The following NEIL1 variants were observed in gnomAD, a reference collection of about 807,000 sequenced individuals.
NEIL1 encodes the protein nei like DNA glycosylase 1.
Under a neutral mutation model 44.2 loss-of-function variants are expected in NEIL1, and 31 were observed. That is an observed-to-expected ratio of 0.70 (90% CI 0.53 to 0.95). The LOEUF (loss-of-function observed/expected upper bound fraction) is 0.95, where lower values mean the gene tolerates loss of function less well. NEIL1 is among the 40% of genes least tolerant of loss of function. The pLI, the probability that NEIL1 is intolerant of heterozygous loss-of-function variation, is 0.00. For missense variants in NEIL1, 549 were observed against 515.5 expected, an observed-to-expected ratio of 1.07 and a Z score of -0.63; for synonymous variants, 254 against 209.7, an observed-to-expected ratio of 1.21 and a Z score of -1.83.
Position 75,356,980 on chromosome 15 carries a change from A to G in NEIL1, c.*1946A>G. ...CCCAGACTCCAGAGCTCCTGTCACT[A>G]GGCCGAGCACAAGCTCTAGAACCAC... On this transcript the variant is annotated 3_prime_UTR_variant, in exon 10 of 10. Coordinates refer to ENST00000355059, the MANE Select transcript of NEIL1 (RefSeq NM_024608.4). This position sits in a 1 kb window ranked among gnomAD's most constrained non-coding sequence, Gnocchi z 5.8. 8.3e-7 allele frequency: 1 copy of G among 1,198,860 alleles called. No individual in the cohort carries two copies. Among genetic ancestry groups the G allele is most frequent in the Non-Finnish European group, 1.2e-6 (1 of 818,732 alleles). The allele number at this position is 1,198,860 out of a possible 1,614,324, so 74.3% of individuals were successfully genotyped here.
At chr15:75,349,384 A>T (rs1595854153) in intron 2 of NEIL1, 45 bp downstream of exon 2, 2 of 1,532,232 alleles carry the variant, frequency 1.3e-6, no homozygotes, top group East Asian at 4.5e-5. Flanking sequence ...CGGGCTCCAC[A>T]CCTGACTCTC....
chr15:75,354,219 T>C, intron 6 of NEIL1, 31 bp from the exon 7 acceptor site: 3 of 1,613,900 alleles, frequency 1.9e-6, no homozygotes, highest in African/African-American at 1.3e-5. Context: ...CAACCCAGGC[T>C]GATTCCTGAA....
At chr15:75,348,058 C>T (rs951302400) in intron 1 of NEIL1, 2 of 1,078,376 alleles carry the variant, frequency 1.9e-6, no homozygotes, top group Middle Eastern at 4.2e-4. Context: ...CCCCAGGGAC[C>T]AGGCGCTGCC....
chr15:75,354,116 G>T, intron 6 of NEIL1, 134 bp from the exon 7 acceptor site: 1 of 1,118,762 alleles, frequency 8.9e-7, no homozygotes, highest in East Asian at 2.4e-5. Context: ...CTCTAACATG[G>T]GGGATGTCCT....
rs746857278 is a variant in NEIL1, at chr15:75,352,625, G to C, written c.642G>C (p.Gln214His). ...HRPSPELTLS[Q>H]KIRTKLQNPD... ...AGAGCCCGGAGCTGACCCTGAGCCA[G>C]AAGATAAGGACCAAGCTGCAGAATC... The change falls in exon 5 of 10, where the codon CAG (glutamine) becomes CAC (histidine). Residue 214 changes from glutamine to histidine, a missense_variant. Coordinates refer to ENST00000355059, the MANE Select transcript of NEIL1 (RefSeq NM_024608.4). The C allele has an allele frequency of 2.5e-6, 4 of 1,613,482 alleles. No homozygotes were observed. Among genetic ancestry groups the C allele is most frequent in the Non-Finnish European group, 3.4e-6 (4 of 1,179,726 alleles).
rs144636257 is a variant in NEIL1 at position 75,356,825 on chromosome 15, C to T, written c.*1791C>T. 9.4e-5 allele frequency: 151 copies of T among 1,614,094 alleles called. No individual in the cohort carries two copies. Among genetic ancestry groups the T allele is most frequent in the African/African-American group, 3.5e-4 (26 of 75,064 alleles). On this transcript the variant is annotated 3_prime_UTR_variant, in exon 10 of 10. Coordinates refer to ENST00000355059, the MANE Select transcript of NEIL1 (RefSeq NM_024608.4). The surrounding 1 kb of genome is among the most constrained non-coding windows in gnomAD (Gnocchi z 5.8). ...GGCTGAGGATGCTGCCTCGCACTGACGCGCCATACTTGCAGTCGTTGAGCA... is the reference window on the plus strand; with the variant it reads ...GGCTGAGGATGCTGCCTCGCACTGATGCGCCATACTTGCAGTCGTTGAGCA...
rs1255718051 is a variant in NEIL1 at position 75,348,690 on chromosome 15, C to T, written c.-22-194C>T. 2.7e-5 allele frequency: 38 copies of T among 1,429,146 alleles called. No individual in the cohort carries two copies. In the East Asian group the frequency reaches 5.8e-4, roughly 22 times the overall value. 88.5% of individuals were successfully genotyped at this position (1,429,146 alleles called of 1,614,324 possible). On this transcript the variant is annotated intron_variant, in intron 1 of 9. Coordinates refer to ENST00000355059, the MANE Select transcript of NEIL1 (RefSeq NM_024608.4). ...TCCTGCTCCCTCTGCAGCCCCAGCT[C>T]CCAGCGCCCTGGGCTTTCCAGGCAC...
At chr15:75,347,651 G>C (rs2071542695) in intron 1 of NEIL1, 178 bp downstream of exon 1, 1 of 256,248 alleles carries the variant, frequency 3.9e-6, no homozygotes, top group Non-Finnish European at 6.3e-6. Flanking sequence ...CGAGCGGAAC[G>C]GAGTGCGGGT....
chr15:75,350,238 A>G (rs2071776172), intron 2 of NEIL1, among the ~76,000 whole-genome samples: 1 of 152,222 alleles, frequency 6.6e-6, no homozygotes, highest in South Asian at 2.1e-4. Context: ...GGAAACGTGT[A>G]TGAGTCTCTG....
intron 9 of NEIL1, 34 bp downstream of exon 9, chr15:75,354,852 C>T (rs1351845653): frequency 8.7e-6 from 14 of 1,613,640 alleles, no homozygotes; most frequent in Non-Finnish European, 1.2e-5. Flanking sequence ...GAAACTGGCT[C>T]TACAGGAGAG....
chr15:75,349,809 G>A (rs975952045), intron 2 of NEIL1: 1 of 163,678 alleles, frequency 6.1e-6, no homozygotes, highest in Non-Finnish European at 1.4e-5. Context: ...GCACGACTCT[G>A]TCTCAAAAAA....
chr15:75,355,700 A>G lies in NEIL1; in HGVS notation c.*666A>G, dbSNP rs1449344265. 1.7e-6 allele frequency: 1 copy of G among 591,206 alleles called. No homozygotes were observed. Among genetic ancestry groups the G allele is most frequent in the African/African-American group, 1.9e-5 (1 of 53,326 alleles). The allele number at this position is 591,206 out of a possible 1,614,324, so 36.6% of individuals were successfully genotyped here. ...ACAGGTACCTTAGGATCTTGCCCCT[A>G]CCCACCAAATACCTGGGAAGCCATC... On this transcript the variant is annotated 3_prime_UTR_variant, in exon 10 of 10. Coordinates refer to ENST00000355059, the MANE Select transcript of NEIL1 (RefSeq NM_024608.4).
At position 75,352,128 on chromosome 15, in the gene NEIL1, A is replaced by G. The variant is rs1341568632; in HGVS notation, c.452A>G (p.Asn151Ser). 1 of 1,614,038 alleles carries G rather than the reference A, an allele frequency of 6.2e-7. No homozygotes were observed. Among genetic ancestry groups the G allele is most frequent in the Non-Finnish European group, 8.5e-7 (1 of 1,179,984 alleles). Residue 151 changes from asparagine to serine, a missense_variant, in exon 3 of 10, where the codon AAC becomes AGC. Coordinates refer to ENST00000355059, the MANE Select transcript of NEIL1 (RefSeq NM_024608.4). The stretch of plus-strand genomic sequence containing the variant: ...TCCTCCAGGGAGAATGTGCTACGAA[A>G]CCTAGCGGATAAGGCCTTTGACCGG... Reference protein sequence around the residue: ...YQQFRENVLRNLADKAFDRPI... With the variant: ...YQQFRENVLRSLADKAFDRPI...
intron 2 of NEIL1, 146 bp from the exon 3 acceptor site, chr15:75,351,965 C>CA: frequency 1.4e-6 from 1 of 705,232 alleles, no homozygotes; most frequent in East Asian, 2.7e-5. Context: ...TCCCATTTAA[C>CA]AGATAGGAAA....
In NEIL1 at chr15:75,355,548, C is replaced by T. The variant is rs1385929843; in HGVS notation, c.*514C>T. The T allele has an allele frequency of 3.8e-6, 1 of 264,116 alleles. No individual in the cohort carries two copies. Among genetic ancestry groups the T allele is most frequent in the Non-Finnish European group, 7.3e-6 (1 of 137,006 alleles). The allele number at this position is 264,116 out of a possible 1,614,324, so 16.4% of individuals were successfully genotyped here. ...CCCACCCTTCGGCCCCTCCCCAGCCCCAGGCCCAGGCCCTTTACCTGCTGG... is the reference window on the plus strand; with the variant it reads ...CCCACCCTTCGGCCCCTCCCCAGCCTCAGGCCCAGGCCCTTTACCTGCTGG... On this transcript the variant is annotated 3_prime_UTR_variant, in exon 10 of 10. Transcript: ENST00000355059.
intron 2 of NEIL1, 78 bp downstream of exon 2, chr15:75,349,417 G>A (rs2071708912): frequency 1.4e-6 from 2 of 1,391,586 alleles, no homozygotes; most frequent in Admixed American, 4.3e-5. Flanking sequence ...TGGCCAACAA[G>A]GGGCGAGTCC....
Position 75,356,746 on chromosome 15 carries a change from C to A in NEIL1, c.*1712C>A. ...GCTGTTGGAGTTGTGGTCGGGAAGA[C>A]CCATTTCTCCATGCCAGCTCCCAGG... On this transcript the variant is annotated 3_prime_UTR_variant, in exon 10 of 10. Coordinates refer to ENST00000355059, the MANE Select transcript of NEIL1 (RefSeq NM_024608.4). This position sits in a 1 kb window ranked among gnomAD's most constrained non-coding sequence, Gnocchi z 5.8. 6.2e-7 allele frequency: 1 copy of A among 1,612,680 alleles called. No individual in the cohort carries two copies. Among genetic ancestry groups the A allele is most frequent in the Non-Finnish European group, 8.5e-7 (1 of 1,179,014 alleles).
In NEIL1 at chr15:75,349,232, G is replaced by A; in HGVS notation, c.327G>A (p.Arg109=). The part of the protein sequence containing the change: ...LRFYTAPPGP[R]LALCFVDIRR... ...TTTACACGGCCCCGCCTGGCCCCCGGCTCGCCCTATGTTTCGTGGACATCC... is the reference window on the plus strand; with the variant it reads ...TTTACACGGCCCCGCCTGGCCCCCGACTCGCCCTATGTTTCGTGGACATCC... Residue 109 remains arginine (R), a synonymous_variant, in exon 2 of 10, where the codon CGG becomes CGA. Transcript: ENST00000355059. 1 of 1,610,232 alleles carries A rather than the reference G, an allele frequency of 6.2e-7. No homozygotes were observed.
chr15:75,354,860 G>C (rs760234202), intron 9 of NEIL1, 42 bp downstream of exon 9: 11 of 1,613,596 alleles, frequency 6.8e-6, no homozygotes, highest in Middle Eastern at 1.7e-4. Context: ...CTCTACAGGA[G>C]AGGATGGGAT....
Sources: allele counts gnomAD v4.1 joint callset (sites outside exome capture counted in the v4.1 genomes callset), GRCh38; gene constraint gnomAD v4.1.1; non-coding constraint Gnocchi (gnomAD v3.1); transcripts MANE v1.5; gene names NCBI Gene and HGNC (gene_info 2026-07-23, HGNC 2026-07-21).